Variants in ATP11B observed in about 807,000 individuals in gnomAD.
ATP11B encodes phospholipid-transporting ATPase IF.
Under a neutral mutation model 157.8 loss-of-function variants are expected in ATP11B, and 81 were observed. The ratio of observed to expected loss-of-function variants is 0.51; its 90% confidence interval spans 0.43 to 0.62. The LOEUF (loss-of-function observed/expected upper bound fraction) is 0.62, where lower values mean the gene tolerates loss of function less well. Among genes scored for constraint, ATP11B ranks in the 20% least tolerant of loss-of-function variants. The pLI, the probability that ATP11B is intolerant of heterozygous loss-of-function variation, is 0.00. For synonymous variants in ATP11B, 451 were observed against 469.4 expected (o/e 0.96, Z 0.51); for missense variants, 1,165 against 1,402.2 (o/e 0.83, Z 2.70).
chr3:182,895,664 G>C (rs949272056), intron 25 of ATP11B, among the ~76,000 whole-genome samples: 2 of 152,192 alleles, frequency 1.3e-5, no homozygotes, highest in African/African-American at 4.8e-5. Flanking sequence ...ACAGCATGCA[G>C]GCTTTTTGTC....
chr3:182,833,210 A>G (rs920737999), intron 4 of ATP11B, among the ~76,000 whole-genome samples: 18 of 152,314 alleles, frequency 1.2e-4, no homozygotes, highest in Admixed American at 3.3e-4. Context: ...CTACTGGTGT[A>G]AGAAAGGAAA....
At chr3:182,904,999 A>G (rs746830019) in intron 28 of ATP11B, among the ~76,000 whole-genome samples, 19 of 151,382 alleles carry the variant, frequency 1.3e-4, no homozygotes, top group Admixed American at 4.6e-4. Context: ...CCCCTGTGTT[A>G]TAGGCAAAGC....
At chr3:182,894,146 A>C (rs953941123) in intron 25 of ATP11B, among the ~76,000 whole-genome samples, 3 of 151,992 alleles carry the variant, frequency 2.0e-5, no homozygotes, top group African/African-American at 7.3e-5. Context: ...TACTCTACTG[A>C]TTATTTCTTC....
chr3:182,889,204 A>G (rs1723004308), intron 24 of ATP11B, among the ~76,000 whole-genome samples: 1 of 152,194 alleles, frequency 6.6e-6, no homozygotes, highest in African/African-American at 2.4e-5. Context: ...TGAATGTAGT[A>G]TGTGAACTAT....
chr3:182,874,701 A>G (rs1375760040), intron 19 of ATP11B, among the ~76,000 whole-genome samples: 2 of 152,216 alleles, frequency 1.3e-5, no homozygotes, highest in African/African-American at 4.8e-5. Context: ...ACATTAACAG[A>G]TGAACATTTG....
chr3:182,830,440 T>G (rs1272701414), intron 4 of ATP11B, among the ~76,000 whole-genome samples: 1 of 152,242 alleles, frequency 6.6e-6, no homozygotes, highest in Non-Finnish European at 1.5e-5. Flanking sequence ...TGAATTGACA[T>G]TAAAATCTAG....
Position 182,918,329 on chromosome 3 carries a change from CA to C in ATP11B, c.*226del, listed in dbSNP as rs921977372. The C allele has an allele frequency of 1.3e-5, 7 of 519,548 alleles. No individual in the cohort carries two copies. In the Admixed American group the frequency reaches 2.4e-4, roughly 18 times the overall value. The allele number at this position is 519,548 out of a possible 1,614,324, so 32.2% of individuals were successfully genotyped here. A position where few individuals can be genotyped will look rare whatever the true frequency, so the allele number is the denominator to read the frequency against. ...ATGTTAAAATTTGAGAATAAAGAGA[CA>C]TTTTTCATCTCTTTGTCTGGTTTGT... On this transcript the variant is annotated 3_prime_UTR_variant, in exon 30 of 30. Transcript: ENST00000323116.
At chr3:182,828,610 T>C (rs996944260) in intron 3 of ATP11B, among the ~76,000 whole-genome samples, 1 of 151,862 alleles carries the variant, frequency 6.6e-6, no homozygotes, top group African/African-American at 2.4e-5. Context: ...GCTTTTAATT[T>C]TTTAATTTAA....
intron 28 of ATP11B, chr3:182,902,412 C>T: frequency 2.2e-6 from 2 of 895,700 alleles, no homozygotes; most frequent in South Asian, 3.1e-5. Context: ...TGTCCTGTGT[C>T]TGTCTCTTAG....
In ATP11B at chr3:182,898,520, T is replaced by G. The variant is rs924043464; in HGVS notation, c.3153-87T>G. 41 of 1,016,284 alleles carry G rather than the reference T, an allele frequency of 4.0e-5. No homozygotes were observed. In the African/African-American group the frequency reaches 6.4e-4, roughly 16 times the overall value. The allele number at this position is 1,016,284 out of a possible 1,614,324, so 63.0% of individuals were successfully genotyped here. On this transcript the variant is annotated intron_variant, in intron 27 of 29. Transcript: ENST00000323116. Reference sequence around the variant, plus strand: ...TTGAACATTTTCTTGGAGTACTTGTTACTTTCAACTGTAGTGTCTTTATAT... The same window carrying G: ...TTGAACATTTTCTTGGAGTACTTGTGACTTTCAACTGTAGTGTCTTTATAT...
At chr3:182,853,507 A>G (rs759835315) in intron 10 of ATP11B, among the ~76,000 whole-genome samples, 1 of 152,166 alleles carries the variant, frequency 6.6e-6, no homozygotes, top group Non-Finnish European at 1.5e-5. Context: ...AATCATTTTT[A>G]TATCTTATAA....
chr3:182,875,169 G>C (rs572013429), intron 19 of ATP11B, among the ~76,000 whole-genome samples: 16 of 152,212 alleles, frequency 1.1e-4, no homozygotes. Flanking sequence ...ACTAGGAAGG[G>C]CTTCATTTGA....
chr3:182,865,065 G>A (rs1157399002), intron 12 of ATP11B, among the ~76,000 whole-genome samples: 2 of 151,842 alleles, frequency 1.3e-5, no homozygotes, highest in South Asian at 2.1e-4. Flanking sequence ...CTCCTCACTC[G>A]GATACCCTTT....
At chr3:182,802,206 C>T (rs750628564) in intron 1 of ATP11B, among the ~76,000 whole-genome samples, 1 of 152,184 alleles carries the variant, frequency 6.6e-6, no homozygotes, top group Non-Finnish European at 1.5e-5. Flanking sequence ...CTGCCACCAC[C>T]CTCAACTAAA....
chr3:182,910,843 T>G (rs1436802614), intron 28 of ATP11B, among the ~76,000 whole-genome samples: 1 of 152,232 alleles, frequency 6.6e-6, no homozygotes, highest in Admixed American at 6.5e-5. Context: ...AGGACCAGTT[T>G]GTTATTTTCT....
chr3:182,897,210 T>C (rs1365852755), intron 26 of ATP11B, 93 bp from the exon 27 acceptor site: 2 of 684,520 alleles, frequency 2.9e-6, no homozygotes, highest in African/African-American at 1.9e-5. Context: ...GAGAGACTTT[T>C]AGATACTTAT....
rs141446708 is a variant in ATP11B, at chr3:182,810,138, C to G, written c.28-10122C>G. 6.7e-3 allele frequency among the ~76,000 whole-genome samples: 1,022 copies of G among 152,168 alleles called. 2 individuals are homozygous for G. The highest frequency in any genetic ancestry group is 0.01 in the Non-Finnish European group (709 of 67,994). ...CTTGAGATCAGGAGTTCAAGACCAGCCTGGCCAACACGGTGAAACCCCATC... is the reference window on the plus strand; with the variant it reads ...CTTGAGATCAGGAGTTCAAGACCAGGCTGGCCAACACGGTGAAACCCCATC... On this transcript the variant is annotated intron_variant, in intron 1 of 29. Transcript: ENST00000323116.
At chr3:182,853,995 G>A (rs538971930) in intron 10 of ATP11B, among the ~76,000 whole-genome samples, 62 of 152,240 alleles carry the variant, frequency 4.1e-4, no homozygotes, top group African/African-American at 1.4e-3. Flanking sequence ...TCATGTGTGG[G>A]TTTGTTGATT....
chr3:182,869,051 T>C (rs1239500866), intron 15 of ATP11B, 27 bp from the exon 16 acceptor site: 1 of 1,502,388 alleles, frequency 6.7e-7, no homozygotes, highest in Non-Finnish European at 9.1e-7. Context: ...AGTAAAGTTT[T>C]TGTCTTTCTT....
Sources: allele counts gnomAD v4.1 joint callset (sites outside exome capture counted in the v4.1 genomes callset), GRCh38; gene constraint gnomAD v4.1.1; transcripts MANE v1.5; gene names NCBI Gene and HGNC (gene_info 2026-07-23, HGNC 2026-07-21).